The following PARP8 variants were observed in gnomAD, a reference collection of about 807,000 sequenced individuals.
The protein encoded by PARP8 is poly(ADP-ribose) polymerase family member 8.
Under a neutral mutation model 124.1 loss-of-function variants are expected in PARP8, and 51 were observed. The observed-to-expected ratio is 0.41, with a 90% CI of 0.33 to 0.52. The LOEUF (loss-of-function observed/expected upper bound fraction) is 0.52, where lower values mean the gene tolerates loss of function less well. PARP8 is among the 20% of genes least tolerant of loss of function. The pLI is 0.21. For missense variants in PARP8, 860 were observed against 1,018.9 expected (o/e 0.84, Z 2.12); for synonymous variants, 391 against 361.5 (o/e 1.08, Z -0.93).
intron 2 of PARP8, among the ~76,000 whole-genome samples, chr5:50,717,363 A>G (rs1210281132): frequency 6.6e-6 from 1 of 152,012 alleles, no homozygotes; most frequent in Non-Finnish European, 1.5e-5. Context: ...GAAAGGAATC[A>G]ATCATGAGAA....
chr5:50,834,312 A>G (rs1561448807), intron 24 of PARP8, among the ~76,000 whole-genome samples: 1 of 152,170 alleles, frequency 6.6e-6, no homozygotes, highest in East Asian at 1.9e-4. Flanking sequence ...TTTCTGATCA[A>G]GTAATGCTTA....
rs1755467561 is a variant in PARP8, at chr5:50,717,720, T to C, written c.147-32431T>C. On this transcript the variant is annotated intron_variant, in intron 2 of 25. Transcript: ENST00000281631. The stretch of plus-strand genomic sequence containing the variant: ...TAGAAACTGAGAGATCATGGTGTCA[T>C]AGAAGCCAACAAAAGTGTTTTGATA... Among the ~76,000 whole-genome samples, 3 of 151,928 alleles carry C rather than the reference T, an allele frequency of 2.0e-5. No homozygotes were observed. In the South Asian group the frequency reaches 6.2e-4, roughly 31 times the overall value.
intron 14 of PARP8, among the ~76,000 whole-genome samples, chr5:50,802,178 G>A (rs1743300280): frequency 6.6e-6 from 1 of 152,040 alleles, no homozygotes; most frequent in Admixed American, 6.6e-5. Context: ...GCCTTCTTTT[G>A]TGTGTTTAAT....
intron 2 of PARP8, among the ~76,000 whole-genome samples, chr5:50,703,893 T>C (rs1259999812): frequency 1.4e-5 from 2 of 144,564 alleles, no homozygotes; most frequent in East Asian, 2.0e-4. Context: ...AATGAGACCC[T>C]TTTTTTTTTT....
At chr5:50,716,841 C>T (rs1025496789) in intron 2 of PARP8, among the ~76,000 whole-genome samples, 11 of 151,992 alleles carry the variant, frequency 7.2e-5, no homozygotes, top group South Asian at 2.1e-4. Flanking sequence ...TTAGTTTCTT[C>T]CTGCTAGTGA....
At chr5:50,813,157 G>A (rs1304437161) in intron 14 of PARP8, among the ~76,000 whole-genome samples, 1 of 152,124 alleles carries the variant, frequency 6.6e-6, no homozygotes, top group African/African-American at 2.4e-5. Context: ...CATGGGGATG[G>A]CATTGAATCT....
chr5:50,721,172 G>T (rs1260617010), intron 2 of PARP8, among the ~76,000 whole-genome samples: 1 of 151,560 alleles, frequency 6.6e-6, no homozygotes, highest in African/African-American at 2.4e-5. Context: ...AGCCTTCAGT[G>T]TGAAACTTTC....
intron 2 of PARP8, among the ~76,000 whole-genome samples, chr5:50,738,826 G>A (rs763258418): frequency 2.6e-5 from 4 of 152,088 alleles, no homozygotes; most frequent in Non-Finnish European, 4.4e-5. Context: ...TGTGGGCCAC[G>A]GCTTGGACGA....
At chr5:50,736,429 T>C (rs1387690163) in intron 2 of PARP8, among the ~76,000 whole-genome samples, 2 of 152,182 alleles carry the variant, frequency 1.3e-5, no homozygotes, top group South Asian at 2.1e-4. Flanking sequence ...CTCTAACTTT[T>C]CAAAACCCAG....
At chr5:50,790,280 C>A (rs1369546329) in intron 10 of PARP8, among the ~76,000 whole-genome samples, 9 of 152,204 alleles carry the variant, frequency 5.9e-5, no homozygotes, top group South Asian at 2.1e-4. Context: ...GATAAATTTT[C>A]TCAGTTTTCC....
intron 2 of PARP8, among the ~76,000 whole-genome samples, chr5:50,696,792 C>CT (rs1753078111): frequency 6.6e-6 from 1 of 152,078 alleles, no homozygotes; most frequent in Admixed American, 6.6e-5. Flanking sequence ...TAATCTGTTG[C>CT]TTCTTTCTTA....
At chr5:50,803,146 A>G (rs1743425140) in intron 14 of PARP8, among the ~76,000 whole-genome samples, 2 of 152,162 alleles carry the variant, frequency 1.3e-5, no homozygotes, top group Non-Finnish European at 1.5e-5. Flanking sequence ...CATTTTGAGT[A>G]TGTCATCCTG....
chr5:50,797,261 G>T, intron 14 of PARP8, 28 bp downstream of exon 14: 1 of 1,475,774 alleles, frequency 6.8e-7, no homozygotes, highest in Non-Finnish European at 9.3e-7. Flanking sequence ...GAATGTCCGT[G>T]TTGGTTTAGA....
chr5:50,747,920 C>T (rs1322595630), intron 2 of PARP8, among the ~76,000 whole-genome samples: 1 of 151,572 alleles, frequency 6.6e-6, no homozygotes, highest in Non-Finnish European at 1.5e-5. Flanking sequence ...CTACAGGCGC[C>T]TGCCACCGCG....
chr5:50,667,104 G>A lies in PARP8; in HGVS notation c.9G>A (p.Met3Ile). MG[M>I]CSRQERIQKD... ...TTCCAGGGATTTATTTAATGGGGAT[G>A]TGTTCAAGGCAAGAGCGAATTCAGA... is the stretch of plus-strand genomic sequence containing the variant. The change falls in exon 1 of 26, where the codon ATG becomes ATA. Residue 3 changes from methionine (M) to isoleucine (I), a missense_variant. Physicochemically the swap from Met to Ile is conservative, Grantham distance 10 (BLOSUM62 1). Coordinates refer to ENST00000281631, the MANE Select transcript of PARP8 (RefSeq NM_024615.4). The A allele has an allele frequency of 1.3e-6, 2 of 1,596,434 alleles. No homozygotes were observed. Among genetic ancestry groups the A allele is most frequent in the Non-Finnish European group, 1.7e-6 (2 of 1,179,778 alleles).
At chr5:50,667,567 G>A in intron 1 of PARP8, 1 of 700,012 alleles carries the variant, frequency 1.4e-6, no homozygotes, top group Non-Finnish European at 2.6e-6. Context: ...AGCGGCGGCG[G>A]CCGGGAATGG....
chr5:50,813,272 G>A (rs1303763575), intron 14 of PARP8, among the ~76,000 whole-genome samples: 2 of 152,144 alleles, frequency 1.3e-5, no homozygotes, highest in Non-Finnish European at 2.9e-5. Context: ...ATTTCGTTGA[G>A]CAGTGGTTTG....
chr5:50,716,900 A>G (rs765852194), intron 2 of PARP8, among the ~76,000 whole-genome samples: 6 of 152,092 alleles, frequency 3.9e-5, no homozygotes, highest in African/African-American at 1.2e-4. Flanking sequence ...TATGTGTTTT[A>G]TATGTATTCC....
intron 9 of PARP8, among the ~76,000 whole-genome samples, chr5:50,784,543 C>A (rs975763705): frequency 2.0e-5 from 3 of 152,148 alleles, no homozygotes; most frequent in Admixed American, 1.3e-4. Flanking sequence ...TCTGTGCTTG[C>A]ATGATCAGTG....
Sources: allele counts gnomAD v4.1 joint callset (sites outside exome capture counted in the v4.1 genomes callset), GRCh38; gene constraint gnomAD v4.1.1; transcripts MANE v1.5; gene names NCBI Gene and HGNC (gene_info 2026-07-23, HGNC 2026-07-21).